PRKN: variants seen among roughly 807,000 people sequenced by gnomAD.
PRKN encodes E3 ubiquitin-protein ligase parkin.
PRKN carries 56 observed loss-of-function variants against 59.5 expected under a neutral mutation model. The ratio of observed to expected loss-of-function variants is 0.94; its 90% confidence interval spans 0.76 to 1.18. The LOEUF is 1.18. PRKN is among the 50% of genes most tolerant of loss of function. The pLI is 0.00. For missense variants in PRKN, 657 were observed against 596.4 expected (o/e 1.10, Z -1.06); for synonymous variants, 250 against 222.1 (o/e 1.13, Z -1.12).
chr6:162,050,763 T>C (rs560610038), intron 5 of PRKN, among the ~76,000 whole-genome samples: 46 of 152,226 alleles, frequency 3.0e-4, no homozygotes, highest in Middle Eastern at 3.4e-3. Flanking sequence ...GCGTGGTCCA[T>C]GCGGAGCACT....
At position 161,715,006 on chromosome 6, in the gene PRKN, C is replaced by T. The variant is rs570613004; in HGVS notation, c.871+70766G>A. ...GGTATTCTTACCATTATCCTTCCCG[C>T]CTGCTTCCTAAAACACTTTCATAAC... On this transcript the variant is annotated intron_variant, in intron 7 of 11. Transcript: ENST00000366898. Among the ~76,000 whole-genome samples, 20 of 152,280 alleles carry T rather than the reference C, an allele frequency of 1.3e-4. No homozygotes were observed. The South Asian group carries it at 3.9e-3, about 30-fold the overall frequency.
intron 3 of PRKN, among the ~76,000 whole-genome samples, chr6:162,240,400 T>C (rs1022179586): frequency 6.6e-6 from 1 of 152,100 alleles, no homozygotes; most frequent in African/African-American, 2.4e-5. Context: ...GGCAGCAATG[T>C]TTTTACTTTT....
Position 161,438,539 on chromosome 6 carries a change from A to G in PRKN, c.1084-51662T>C, listed in dbSNP as rs78847350. Among the ~76,000 whole-genome samples the G allele has an allele frequency of 5.4e-3, 823 of 152,218 alleles. 10 individuals are homozygous for G. Among genetic ancestry groups the G allele is most frequent in the African/African-American group, 0.018 (767 of 41,510 alleles). ...CTGAATTCTGTTAAATTTTACATAC[A>G]GCATGTAGGGCAGAAGACATACTTT... is the stretch of plus-strand genomic sequence containing the variant. On this transcript the variant is annotated intron_variant, in intron 9 of 11. Coordinates refer to ENST00000366898, the MANE Select transcript of PRKN (RefSeq NM_004562.3).
intron 2 of PRKN, among the ~76,000 whole-genome samples, chr6:162,363,131 C>CAAAAAAAAAAAA (rs34722234): frequency 1.0e-5 from 1 of 98,390 alleles, no homozygotes; most frequent in Non-Finnish European, 2.1e-5. Context: ...CCTTCTCAAA[C>CAAAAAAAAAAAA]AAAAAAAAAA....
intron 1 of PRKN, among the ~76,000 whole-genome samples, chr6:162,655,920 C>A (rs894961761): frequency 2.6e-5 from 4 of 152,090 alleles, no homozygotes; most frequent in African/African-American, 7.2e-5. Context: ...TATTAAGGGG[C>A]ATGACACAAT....
chr6:161,793,520 G>A (rs1476900725), intron 6 of PRKN, among the ~76,000 whole-genome samples: 1 of 151,398 alleles, frequency 6.6e-6, no homozygotes, highest in Non-Finnish European at 1.5e-5. Flanking sequence ...CAACACAGTG[G>A]ACCGGCCACT....
intron 4 of PRKN, among the ~76,000 whole-genome samples, chr6:162,110,491 A>G (rs912976332): frequency 6.6e-6 from 1 of 152,252 alleles, no homozygotes; most frequent in Non-Finnish European, 1.5e-5. Context: ...TGTTCTTTAA[A>G]GAAGAATGCT....
chr6:162,517,368 C>G (rs926316041), intron 1 of PRKN, among the ~76,000 whole-genome samples: 1 of 151,426 alleles, frequency 6.6e-6, no homozygotes, highest in African/African-American at 2.4e-5. Flanking sequence ...TTGCCTCAGC[C>G]GCCGGAGTAG....
Position 161,970,987 on chromosome 6 carries a change from G to T in PRKN, c.734+2315C>A, listed in dbSNP as rs73783697. 2.4e-3 allele frequency among the ~76,000 whole-genome samples: 361 copies of T among 152,306 alleles called. 3 individuals are homozygous for T. Among genetic ancestry groups the T allele is most frequent in the African/African-American group, 8.2e-3 (342 of 41,564 alleles). On this transcript the variant is annotated intron_variant, in intron 6 of 11. Coordinates refer to ENST00000366898, the MANE Select transcript of PRKN (RefSeq NM_004562.3). ...CTTACACGTGGATCCCTCGAAGTCA[G>T]AAGAAAGAGTTCTTCTCTCTTTCTT... is the stretch of plus-strand genomic sequence containing the variant.
chr6:161,397,707 T>G lies in PRKN; in HGVS notation c.1084-10830A>C, dbSNP rs1786830719. ...AAACCTTTGCAGAATAAACAAGCAGTAGTAGCTGGAAAAGCCTCAACTTCT... is the reference window on the plus strand; with the variant it reads ...AAACCTTTGCAGAATAAACAAGCAGGAGTAGCTGGAAAAGCCTCAACTTCT... On this transcript the variant is annotated intron_variant, in intron 9 of 11. Coordinates refer to ENST00000366898, the MANE Select transcript of PRKN (RefSeq NM_004562.3). The surrounding 1 kb of genome is among the most constrained non-coding windows in gnomAD (Gnocchi z 4.2). Among the ~76,000 whole-genome samples, 1 of 152,144 alleles carries G rather than the reference T, an allele frequency of 6.6e-6. No individual in the cohort carries two copies. The highest frequency in any genetic ancestry group is 6.5e-5 in the Admixed American group (1 of 15,272).
intron 7 of PRKN, among the ~76,000 whole-genome samples, chr6:161,632,598 A>G (rs1783357840): frequency 6.6e-6 from 1 of 152,216 alleles, no homozygotes; most frequent in African/African-American, 2.4e-5. Flanking sequence ...TATTCTATAA[A>G]CCATTGGAAA....
At chr6:161,427,758 C>A (rs993029160) in intron 9 of PRKN, among the ~76,000 whole-genome samples, 2 of 152,144 alleles carry the variant, frequency 1.3e-5, no homozygotes, top group African/African-American at 2.4e-5. Context: ...ACATCATAAT[C>A]CCATGTATCA....
intron 1 of PRKN, among the ~76,000 whole-genome samples, chr6:162,570,969 CT>C (rs1262177823): frequency 6.6e-6 from 1 of 152,078 alleles, no homozygotes; most frequent in African/African-American, 2.4e-5. Flanking sequence ...AGGATAAATG[CT>C]TGAGGGGATG....
At position 161,388,325 on chromosome 6, in the gene PRKN, A is replaced by C. The variant is rs1786357385; in HGVS notation, c.1084-1448T>G. 6.6e-6 allele frequency among the ~76,000 whole-genome samples: 1 copy of C among 152,212 alleles called. No individual in the cohort carries two copies. Among genetic ancestry groups the C allele is most frequent in the African/African-American group, 2.4e-5 (1 of 41,452 alleles). Reference sequence around the variant, plus strand: ...AATCACAGCATACAATGTGTTCTAAACTTTAAGGAGATAAGAACAACAGGG... The same window carrying C: ...AATCACAGCATACAATGTGTTCTAACCTTTAAGGAGATAAGAACAACAGGG... On this transcript the variant is annotated intron_variant, in intron 9 of 11. Coordinates refer to ENST00000366898, the MANE Select transcript of PRKN (RefSeq NM_004562.3). The surrounding 1 kb of genome is among the most constrained non-coding windows in gnomAD (Gnocchi z 4.3).
In PRKN at chr6:161,458,589, A is replaced by AT. The variant is rs1358233140; in HGVS notation, c.1084-71713dup. 6.6e-6 allele frequency among the ~76,000 whole-genome samples: 1 copy of AT among 152,216 alleles called. No homozygotes were observed. The highest frequency in any genetic ancestry group is 1.5e-5 in the Non-Finnish European group (1 of 68,030). On this transcript the variant is annotated intron_variant, in intron 9 of 11. Coordinates refer to ENST00000366898, the MANE Select transcript of PRKN (RefSeq NM_004562.3). This position sits in a 1 kb window ranked among gnomAD's most constrained non-coding sequence, Gnocchi z 6.1. Reference sequence around the variant, plus strand: ...TTTAAATGAACTATGATTACCCTTGATTTAATAGCAAAGGAGCATTTCCAA... The same window carrying AT: ...TTTAAATGAACTATGATTACCCTTGATTTTAATAGCAAAGGAGCATTTCCAA...
rs556738074 is a variant in PRKN, at chr6:162,653,689, C to G, written c.7+73973G>C. On this transcript the variant is annotated intron_variant, in intron 1 of 11. Coordinates refer to ENST00000366898, the MANE Select transcript of PRKN (RefSeq NM_004562.3). ...GTTTTCCCTTGCATAAAAGACAAAT[C>G]GTTATAATATCTACTTCACAGTGCT... 7.2e-5 allele frequency among the ~76,000 whole-genome samples: 11 copies of G among 152,044 alleles called. No individual in the cohort carries two copies. In the South Asian group the frequency reaches 2.3e-3, roughly 32 times the overall value.
chr6:161,689,229 CACACAA>C (rs1452715708), intron 7 of PRKN, among the ~76,000 whole-genome samples: 1 of 141,396 alleles, frequency 7.1e-6, no homozygotes, highest in African/African-American at 2.8e-5. Flanking sequence ...CACACACACA[CACACAA>C]AGTGAACCCA....
At chr6:161,956,638 T>G (rs1419447085) in intron 6 of PRKN, among the ~76,000 whole-genome samples, 1 of 152,266 alleles carries the variant, frequency 6.6e-6, no homozygotes, top group Admixed American at 6.5e-5. Context: ...GTTCTGAAAT[T>G]TATTCTTTAA....
chr6:162,271,959 G>A (rs1780410653), intron 2 of PRKN, among the ~76,000 whole-genome samples: 1 of 152,168 alleles, frequency 6.6e-6, no homozygotes, highest in African/African-American at 2.4e-5. Flanking sequence ...GGTTCCCAAA[G>A]GCAGGCAATA....
Sources: allele counts gnomAD v4.1 joint callset (sites outside exome capture counted in the v4.1 genomes callset), GRCh38; gene constraint gnomAD v4.1.1; non-coding constraint Gnocchi (gnomAD v3.1); transcripts MANE v1.5; gene names NCBI Gene and HGNC (gene_info 2026-07-23, HGNC 2026-07-21).